The following MIPEP variants were observed in gnomAD, a reference collection of about 807,000 sequenced individuals.
The protein encoded by MIPEP is mitochondrial intermediate peptidase.
In MIPEP, 79 loss-of-function variants were observed where a neutral mutation model predicts 90.3. The observed-to-expected ratio is 0.87, with a 90% confidence interval of 0.73 to 1.05. MIPEP has a LOEUF of 1.05. Ranked by LOEUF, MIPEP falls within the 50% of genes least tolerant of loss-of-function variation. MIPEP has a pLI of 0.00. For missense variants in MIPEP, 940 were observed against 905.6 expected (o/e 1.04, Z -0.49); for synonymous variants, 334 against 315.8 (o/e 1.06, Z -0.61).
chr13:23,849,567 T>C (rs750725808), intron 10 of MIPEP, among the ~76,000 whole-genome samples: 1 of 152,228 alleles, frequency 6.6e-6, no homozygotes, highest in Non-Finnish European at 1.5e-5. Flanking sequence ...TTATAATACG[T>C]TACATATGAG....
chr13:23,776,127 G>A (rs1447357061), intron 16 of MIPEP, among the ~76,000 whole-genome samples: 1 of 151,504 alleles, frequency 6.6e-6, no homozygotes, highest in Non-Finnish European at 1.5e-5. Context: ...TTAACTTTTT[G>A]CCTGCAGCTT....
At chr13:23,757,472 A>G (rs1210636572) in intron 17 of MIPEP, among the ~76,000 whole-genome samples, 2 of 152,188 alleles carry the variant, frequency 1.3e-5, no homozygotes, top group Non-Finnish European at 2.9e-5. Context: ...CTATAAAAAT[A>G]GTTTTGTGAT....
chr13:23,759,514 C>G lies in MIPEP; in HGVS notation c.1970+582G>C, dbSNP rs78488457. Among the ~76,000 whole-genome samples, 310 of 151,630 alleles carry G rather than the reference C, an allele frequency of 2.0e-3. 2 individuals are homozygous for G. Among genetic ancestry groups the G allele is most frequent in the African/African-American group, 6.9e-3 (287 of 41,314 alleles). On this transcript the variant is annotated intron_variant, in intron 17 of 18. Coordinates refer to ENST00000382172, the MANE Select transcript of MIPEP (RefSeq NM_005932.4). ...ATCCCCCACACCCCCCTAGACAGCA[C>G]AGGATCCCCTGCATCCCCCAGCCAC... is the stretch of plus-strand genomic sequence containing the variant.
At chr13:23,826,065 G>GA (rs200027386) in intron 14 of MIPEP, among the ~76,000 whole-genome samples, 38 of 145,522 alleles carry the variant, frequency 2.6e-4, no homozygotes, top group African/African-American at 6.8e-4. Context: ...AAATTACCAG[G>GA]AAAAAAAAAA....
chr13:23,805,458 T>C (rs1953097486), intron 16 of MIPEP, among the ~76,000 whole-genome samples: 1 of 152,214 alleles, frequency 6.6e-6, no homozygotes, highest in Non-Finnish European at 1.5e-5. Flanking sequence ...AGGAATTAGA[T>C]AGAGTCTGGC....
intron 16 of MIPEP, among the ~76,000 whole-genome samples, chr13:23,803,482 T>C (rs971827556): frequency 1.3e-5 from 2 of 152,226 alleles, no homozygotes; most frequent in African/African-American, 4.8e-5. Context: ...CTATTTTTTG[T>C]GTGCAGTGTG....
intron 4 of MIPEP, among the ~76,000 whole-genome samples, chr13:23,878,086 C>T (rs181062017): frequency 8.5e-5 from 13 of 152,246 alleles, no homozygotes; most frequent in Admixed American, 2.0e-4. Flanking sequence ...AGGGGCATGT[C>T]GATCTTCAGT....
chr13:23,794,145 G>A (rs1400623582), intron 16 of MIPEP, among the ~76,000 whole-genome samples: 1 of 152,076 alleles, frequency 6.6e-6, no homozygotes, highest in African/African-American at 2.4e-5. Context: ...ATTAAGAGGA[G>A]GAAGTGACTG....
intron 10 of MIPEP, among the ~76,000 whole-genome samples, chr13:23,843,185 T>C (rs1327218229): frequency 6.6e-6 from 1 of 151,546 alleles, no homozygotes; most frequent in Non-Finnish European, 1.5e-5. Context: ...ATAGGAATTC[T>C]AGGCAGAAGC....
At chr13:23,822,732 C>A (rs1311449722) in intron 14 of MIPEP, among the ~76,000 whole-genome samples, 1 of 151,926 alleles carries the variant, frequency 6.6e-6, no homozygotes, top group African/African-American at 2.4e-5. Context: ...AAATGAAAGA[C>A]TATAAAACTG....
chr13:23,759,549 T>C (rs1952518265), intron 17 of MIPEP, among the ~76,000 whole-genome samples: 1 of 150,778 alleles, frequency 6.6e-6, no homozygotes, highest in African/African-American at 2.4e-5. Context: ...CAGCATAGAA[T>C]CCCTCACACC....
intron 16 of MIPEP, among the ~76,000 whole-genome samples, chr13:23,793,666 T>C (rs1350941738): frequency 1.3e-5 from 2 of 151,794 alleles, no homozygotes; most frequent in Non-Finnish European, 2.9e-5. Context: ...GTTGGGAAGA[T>C]AGAAATGAAT....
chr13:23,861,810 A>T (rs1051105665), intron 9 of MIPEP, among the ~76,000 whole-genome samples: 2 of 152,226 alleles, frequency 1.3e-5, no homozygotes, highest in Middle Eastern at 3.2e-3. Context: ...TCACATAAGG[A>T]AGATCATATA....
At chr13:23,855,549 T>C (rs981198323) in intron 10 of MIPEP, among the ~76,000 whole-genome samples, 3 of 152,220 alleles carry the variant, frequency 2.0e-5, no homozygotes, top group African/African-American at 7.2e-5. Context: ...AACAAGGATT[T>C]AGAAATCTTC....
chr13:23,816,011 C>T (rs1335000292), intron 14 of MIPEP, among the ~76,000 whole-genome samples: 18 of 152,134 alleles, frequency 1.2e-4, no homozygotes, highest in South Asian at 6.2e-4. Flanking sequence ...TAGTTTTGAA[C>T]GAAAAGTCTA....
chr13:23,870,087 T>C lies in MIPEP; in HGVS notation c.712A>G (p.Ile238Val), dbSNP rs771327055. The part of the protein sequence containing the change: ...KIEKHLLPEH[I>V]RRNFTSAGDH... Reference sequence around the variant, plus strand: ...CCAGCAGATGTAAAGTTACGACGAATGTGTTCTGGTAAGAGATGCTTCTCA... The same window carrying C: ...CCAGCAGATGTAAAGTTACGACGAACGTGTTCTGGTAAGAGATGCTTCTCA... The change falls in exon 6 of 19, where the codon ATT (isoleucine) becomes GTT (valine). Residue 238 changes from isoleucine (I) to valine (V), a missense_variant. By Grantham distance (29) the Ile-to-Val change is conservative. Coordinates refer to ENST00000382172, the MANE Select transcript of MIPEP (RefSeq NM_005932.4). 1.6e-5 allele frequency: 26 copies of C among 1,612,866 alleles called. No individual in the cohort carries two copies. Among genetic ancestry groups the C allele is most frequent in the Non-Finnish European group, 2.1e-5 (25 of 1,179,466 alleles).
At position 23,769,521 on chromosome 13, in the gene MIPEP, G is replaced by C. The variant is rs529655217; in HGVS notation, c.1849-9304C>G. ...ACTTCTCAATGGGAAGGAGTCCAAG[G>C]GCAGGTGTATCACCAACAGATTGCA... On this transcript the variant is annotated intron_variant, in intron 16 of 18. Coordinates refer to ENST00000382172, the MANE Select transcript of MIPEP (RefSeq NM_005932.4). 5.3e-5 allele frequency among the ~76,000 whole-genome samples: 8 copies of C among 152,256 alleles called. No homozygotes were observed. The East Asian group carries it at 1.4e-3, about 26-fold the overall frequency.
At position 23,758,755 on chromosome 13, in the gene MIPEP, GATT is replaced by G. The variant is rs551419100; in HGVS notation, c.1970+1338_1970+1340del. On this transcript the variant is annotated intron_variant, in intron 17 of 18. Coordinates refer to ENST00000382172, the MANE Select transcript of MIPEP (RefSeq NM_005932.4). ...GACTCAAATAATTTGAAACAAATGT[GATT>G]ATTAACTGCTGAGAAAAATCCAAGT... Among the ~76,000 whole-genome samples the G allele has an allele frequency of 2.6e-5, 4 of 152,282 alleles. No individual in the cohort carries two copies. In the East Asian group the frequency reaches 7.7e-4, roughly 29 times the overall value.
At position 23,851,927 on chromosome 13, in the gene MIPEP, C is replaced by T. The variant is rs547558324; in HGVS notation, c.1106+6933G>A. ...CACCTATGGGTGTCCATGCCAAAAA[C>T]GGGAAATGTTTAACAGTGAGTTATT... On this transcript the variant is annotated intron_variant, in intron 10 of 18. Transcript: ENST00000382172. 1.4e-4 allele frequency among the ~76,000 whole-genome samples: 21 copies of T among 152,182 alleles called. No homozygotes were observed. The South Asian group carries it at 2.3e-3, about 17-fold the overall frequency.
Sources: allele counts gnomAD v4.1 joint callset (sites outside exome capture counted in the v4.1 genomes callset), GRCh38; gene constraint gnomAD v4.1.1; transcripts MANE v1.5; gene names NCBI Gene and HGNC (gene_info 2026-07-23, HGNC 2026-07-21).